PHF21A: variants seen among roughly 807,000 people sequenced by gnomAD.
PHF21A encodes the protein PHD finger protein 21A, also known as BHC80a.
PHF21A carries 11 observed loss-of-function variants against 82.5 expected under a neutral mutation model. The observed-to-expected ratio is 0.13, with a 90% CI of 0.08 to 0.22. The LOEUF is 0.22. PHF21A is among the 10% of genes least tolerant of loss of function. PHF21A has a pLI of 1.00. For synonymous variants in PHF21A, 297 were observed against 302.8 expected (o/e 0.98, Z 0.20); for missense variants, 579 against 837.8 (o/e 0.69, Z 3.81).
At chr11:46,051,603 T>C (rs1266549507) in intron 6 of PHF21A, among the ~76,000 whole-genome samples, 1 of 152,212 alleles carries the variant, frequency 6.6e-6, no homozygotes, top group African/African-American at 2.4e-5. Flanking sequence ...CAAGAAAAAC[T>C]GAGTTCTCAT....
chr11:45,992,347 A>G (rs1202236589), intron 6 of PHF21A, among the ~76,000 whole-genome samples: 1 of 151,160 alleles, frequency 6.6e-6, no homozygotes, highest in African/African-American at 2.4e-5. Context: ...CCTGGCTAAC[A>G]TGGTGAAACC....
chr11:46,006,787 A>T (rs151009796), intron 6 of PHF21A, among the ~76,000 whole-genome samples: 17 of 152,362 alleles, frequency 1.1e-4, no homozygotes, highest in Non-Finnish European at 1.8e-4. Flanking sequence ...AAAATGGCAC[A>T]AAAATATTTT....
chr11:45,933,846 C>G lies in PHF21A; in HGVS notation c.*122G>C. 1.0e-6 allele frequency: 1 copy of G among 988,896 alleles called. No individual in the cohort carries two copies. The highest frequency in any genetic ancestry group is 1.4e-6 in the Non-Finnish European group (1 of 694,074). The allele number at this position is 988,896 out of a possible 1,614,324, so 61.3% of individuals were successfully genotyped here. A position where few individuals can be genotyped will look rare whatever the true frequency, so the allele number is the denominator to read the frequency against. ...CCTGGCACAAGCATCTTCTCTCTCT[C>G]TGGAACCAAAGAACCAAAAGAATTC... On this transcript the variant is annotated 3_prime_UTR_variant, in exon 19 of 19. Transcript: ENST00000676320.
chr11:45,941,123 G>A (rs937546756), intron 15 of PHF21A, among the ~76,000 whole-genome samples: 29 of 151,800 alleles, frequency 1.9e-4, no homozygotes, highest in African/African-American at 7.0e-4. Context: ...TTTTGAGACC[G>A]GGTCTGGCTC....
At chr11:45,973,527 T>C (rs2093878663) in intron 7 of PHF21A, among the ~76,000 whole-genome samples, 1 of 152,228 alleles carries the variant, frequency 6.6e-6, no homozygotes, top group African/African-American at 2.4e-5. Flanking sequence ...CCTCCTTAAA[T>C]GTGAAATGAG....
intron 10 of PHF21A, 150 bp downstream of exon 10, chr11:45,965,165 C>G: frequency 2.9e-6 from 2 of 680,916 alleles, no homozygotes; most frequent in Non-Finnish European, 4.9e-6. Context: ...CCCTTCTGCA[C>G]GTGGATGAAT....
intron 9 of PHF21A, among the ~76,000 whole-genome samples, chr11:45,966,212 G>A (rs886583964): frequency 6.6e-6 from 1 of 151,924 alleles, no homozygotes; most frequent in African/African-American, 2.4e-5. Context: ...TTTTACCTCA[G>A]AACCTGAGAC....
intron 10 of PHF21A, among the ~76,000 whole-genome samples, chr11:45,958,396 C>CAAAA (rs1159762183): frequency 0.039 from 42 of 1,064 alleles, 17 homozygotes; most frequent in South Asian, 0.14. Context: ...AACCTGGTCT[C>CAAAA]AAAAAAAAAA....
At chr11:46,105,429 C>A (rs769063969) in intron 1 of PHF21A, among the ~76,000 whole-genome samples, 10 of 152,140 alleles carry the variant, frequency 6.6e-5, no homozygotes, top group Non-Finnish European at 1.5e-4. Flanking sequence ...AGTAGCACAA[C>A]TGTAAATCTG....
intron 6 of PHF21A, among the ~76,000 whole-genome samples, chr11:46,015,444 A>C (rs1184561115): frequency 6.6e-6 from 1 of 152,094 alleles, no homozygotes; most frequent in African/African-American, 2.4e-5. Context: ...AGTATTTCCA[A>C]GGTTTTCTTC....
rs547688133 is a variant in PHF21A at position 46,025,531 on chromosome 11, C to T, written c.154-45565G>A. On this transcript the variant is annotated intron_variant, in intron 6 of 18. Transcript: ENST00000676320. ...GCTCTGGACTACAAAAGAAAAATTCCTTTACCTGAGAAGAAAATGATTCTC... is the reference window on the plus strand; with the variant it reads ...GCTCTGGACTACAAAAGAAAAATTCTTTTACCTGAGAAGAAAATGATTCTC... Among the ~76,000 whole-genome samples the T allele has an allele frequency of 1.8e-4, 28 of 152,270 alleles. No homozygotes were observed. The East Asian group carries it at 4.8e-3, about 26-fold the overall frequency.
chr11:45,996,339 AT>A (rs2094908735), intron 6 of PHF21A, among the ~76,000 whole-genome samples: 3 of 152,216 alleles, frequency 2.0e-5, no homozygotes, highest in African/African-American at 7.2e-5. Flanking sequence ...CTATATTACA[AT>A]TAGATCACAT....
intron 6 of PHF21A, among the ~76,000 whole-genome samples, chr11:46,073,768 A>G (rs1316455008): frequency 3.3e-5 from 5 of 152,202 alleles, no homozygotes; most frequent in African/African-American, 1.2e-4. Flanking sequence ...GCTATATAAC[A>G]TATAATTTAT....
chr11:46,047,986 T>C (rs1187416839), intron 6 of PHF21A, among the ~76,000 whole-genome samples: 1 of 152,272 alleles, frequency 6.6e-6, no homozygotes, highest in East Asian at 1.9e-4. Flanking sequence ...AACAGATTTA[T>C]TGAGATACAA....
intron 6 of PHF21A, among the ~76,000 whole-genome samples, chr11:46,015,867 C>T (rs2095505911): frequency 6.6e-6 from 1 of 151,534 alleles, no homozygotes; most frequent in African/African-American, 2.4e-5. Flanking sequence ...CCTGAAGGAC[C>T]TGCCCGAGGC....
chr11:46,043,526 T>G (rs1172331536), intron 6 of PHF21A, among the ~76,000 whole-genome samples: 2 of 152,130 alleles, frequency 1.3e-5, no homozygotes, highest in East Asian at 3.9e-4. Context: ...CTCCTTCCAC[T>G]GGCCTAGTGA....
intron 6 of PHF21A, among the ~76,000 whole-genome samples, chr11:46,058,139 C>T (rs1307542064): frequency 6.6e-6 from 1 of 152,156 alleles, no homozygotes; most frequent in East Asian, 1.9e-4. Flanking sequence ...ATAGCCTGAA[C>T]ACCTCCCTAC....
intron 15 of PHF21A, among the ~76,000 whole-genome samples, chr11:45,943,590 C>A (rs1361819338): frequency 6.6e-6 from 1 of 152,164 alleles, no homozygotes; most frequent in Non-Finnish European, 1.5e-5. Flanking sequence ...ACACAGTGAT[C>A]CTTTTTAAAA....
At chr11:45,940,635 CTA>C (rs1277912024) in intron 15 of PHF21A, among the ~76,000 whole-genome samples, 3 of 102,154 alleles carry the variant, frequency 2.9e-5, no homozygotes, top group African/African-American at 1.0e-4. Flanking sequence ...CCTAGATTAA[CTA>C]TGATTTTCTT....
Sources: allele counts gnomAD v4.1 joint callset (sites outside exome capture counted in the v4.1 genomes callset), GRCh38; gene constraint gnomAD v4.1.1; transcripts MANE v1.5; gene names NCBI Gene and HGNC (gene_info 2026-07-23, HGNC 2026-07-21).